EYS: variants seen among roughly 807,000 people sequenced by gnomAD.
EYS encodes EGF-like photoreceptor maintenance factor, also known as protein eyes shut homolog.
EYS carries 250 observed loss-of-function variants against 282.1 expected under a neutral mutation model. The ratio of observed to expected loss-of-function variants is 0.89; its 90% confidence interval spans 0.80 to 0.98. EYS has a LOEUF of 0.98. EYS is among the 50% of genes least tolerant of loss of function. The pLI, the probability that EYS is intolerant of heterozygous loss-of-function variation, is 0.00. For synonymous variants in EYS, 1,355 were observed against 1,282.9 expected, an observed-to-expected ratio of 1.06 and a Z score of -1.20; for missense variants, 4,016 against 3,709.0, an observed-to-expected ratio of 1.08 and a Z score of -2.15.
chr6:65,558,550 G>T (rs1168459542), intron 2 of EYS, among the ~76,000 whole-genome samples: 1 of 152,200 alleles, frequency 6.6e-6, no homozygotes, highest in East Asian at 1.9e-4. Flanking sequence ...GCCCCTGCCA[G>T]CTCCACAGAT....
chr6:65,026,594 T>C (rs1450016550), intron 13 of EYS, among the ~76,000 whole-genome samples: 1 of 152,046 alleles, frequency 6.6e-6, no homozygotes, highest in Admixed American at 6.6e-5. Context: ...CACCTAGCAT[T>C]TTGGAAAATA....
intron 22 of EYS, among the ~76,000 whole-genome samples, chr6:64,634,553 A>AAAAAAAAAAAGAG (rs1767905013): frequency 6.6e-6 from 1 of 151,866 alleles, no homozygotes; most frequent in African/African-American, 2.4e-5. Flanking sequence ...CTTCCAAAAA[A>AAAAAAAAAAAGAG]AAAAAAAAAG....
chr6:64,157,263 T>C lies in EYS; in HGVS notation c.6424+73329A>G, dbSNP rs568827480. Among the ~76,000 whole-genome samples, 28 of 152,272 alleles carry C rather than the reference T, an allele frequency of 1.8e-4. 1 individual carries two copies. In the South Asian group the frequency reaches 5.8e-3, roughly 32 times the overall value. ...GCTGCATAGTATTCCATGGTGTATA[T>C]GTTCCACATTTTCTTAATCCAGTCT... On this transcript the variant is annotated intron_variant, in intron 31 of 42. Coordinates refer to ENST00000503581, the MANE Select transcript of EYS (RefSeq NM_001142800.2).
intron 2 of EYS, among the ~76,000 whole-genome samples, chr6:65,556,258 A>T (rs1207683501): frequency 6.6e-6 from 1 of 152,100 alleles, no homozygotes; most frequent in African/African-American, 2.4e-5. Context: ...ATTGCTTGAG[A>T]CCAGGAGTTT....
chr6:65,125,329 CCAG>C (rs1217277167), intron 12 of EYS, among the ~76,000 whole-genome samples: 1 of 152,102 alleles, frequency 6.6e-6, no homozygotes, highest in African/African-American at 2.4e-5. Flanking sequence ...CTCAATGAAA[CCAG>C]TTGCTAAGCC....
In EYS at chr6:64,550,186, G is replaced by T. The variant is rs190524626; in HGVS notation, c.5644+40037C>A. 4.6e-5 allele frequency among the ~76,000 whole-genome samples: 7 copies of T among 152,188 alleles called. 1 individual carries two copies. In the South Asian group the frequency reaches 8.3e-4, roughly 18 times the overall value. ...AGTCTTTGCTATTGTGAATAGTGGC[G>T]CAATAAACATACATGTGCATGTGTC... is the stretch of plus-strand genomic sequence containing the variant. On this transcript the variant is annotated intron_variant, in intron 26 of 42. Coordinates refer to ENST00000503581, the MANE Select transcript of EYS (RefSeq NM_001142800.2).
intron 12 of EYS, among the ~76,000 whole-genome samples, chr6:65,251,909 C>A (rs1469348469): frequency 6.6e-6 from 1 of 151,860 alleles, no homozygotes; most frequent in Non-Finnish European, 1.5e-5. Context: ...CTCTCTTTTT[C>A]TTTGTACCAG....
rs534596403 is a variant in EYS, at chr6:63,848,442, C to T, written c.7228+15744G>A. ...GGTCTGCAGCTCCCAGCAAGACCAA[C>T]GGAGAAGGCGGGTGATATTTCTGCA... On this transcript the variant is annotated intron_variant, in intron 36 of 42. Coordinates refer to ENST00000503581, the MANE Select transcript of EYS (RefSeq NM_001142800.2). 7.3e-4 allele frequency among the ~76,000 whole-genome samples: 111 copies of T among 152,016 alleles called. 2 individuals carry two copies. The highest frequency in any genetic ancestry group is 3.2e-4 in the Non-Finnish European group (22 of 67,984).
rs141565461 is a variant in EYS, at chr6:65,241,142, TTA to T, written c.2023+54719_2023+54720del. On this transcript the variant is annotated intron_variant, in intron 12 of 42. Coordinates refer to ENST00000503581, the MANE Select transcript of EYS (RefSeq NM_001142800.2). ...TAGACTTACATAAAAATGGAAGATC[TTA>T]TATATAGTTATTTTTCACTGATTCA... 2.5e-3 allele frequency among the ~76,000 whole-genome samples: 386 copies of T among 152,264 alleles called. 2 individuals are homozygous for T. Among genetic ancestry groups the T allele is most frequent in the African/African-American group, 8.6e-3 (358 of 41,586 alleles).
chr6:65,329,409 C>G, intron 11 of EYS: 1 of 915,146 alleles, frequency 1.1e-6, no homozygotes, highest in South Asian at 5.0e-5. Flanking sequence ...GATTTAAGAA[C>G]CAAGATTATT....
At chr6:65,083,548 A>G (rs1181943804) in intron 12 of EYS, among the ~76,000 whole-genome samples, 1 of 151,980 alleles carries the variant, frequency 6.6e-6, no homozygotes, top group East Asian at 1.9e-4. Context: ...TCTGTAGCAG[A>G]TAAAATAAAA....
chr6:64,521,530 T>C (rs1360993435), intron 26 of EYS, among the ~76,000 whole-genome samples: 3 of 151,834 alleles, frequency 2.0e-5, no homozygotes, highest in South Asian at 4.1e-4. Context: ...CCCATAGATA[T>C]GCTTGAAGCT....
At chr6:65,284,880 T>C (rs1357865132) in intron 12 of EYS, among the ~76,000 whole-genome samples, 1 of 152,100 alleles carries the variant, frequency 6.6e-6, no homozygotes. Context: ...CTGATTAATT[T>C]GCATGTTTAC....
intron 31 of EYS, among the ~76,000 whole-genome samples, chr6:64,107,959 C>G (rs77158895): frequency 0.042 from 6,407 of 152,086 alleles, 401 homozygotes; most frequent in African/African-American, 0.14. Context: ...CTGTGTATTT[C>G]CCTTTCCTGA....
At chr6:65,066,631 A>T (rs1773753998) in intron 12 of EYS, among the ~76,000 whole-genome samples, 1 of 152,170 alleles carries the variant, frequency 6.6e-6, no homozygotes, top group Non-Finnish European at 1.5e-5. Flanking sequence ...GTTTTTAGTC[A>T]AAATTACAAC....
chr6:64,441,806 T>G (rs970634894), intron 26 of EYS, among the ~76,000 whole-genome samples: 4 of 152,188 alleles, frequency 2.6e-5, no homozygotes, highest in African/African-American at 9.7e-5. Flanking sequence ...CCTCCTTGCC[T>G]TCCACCATGA....
chr6:64,399,923 T>C (rs755371039), intron 28 of EYS, among the ~76,000 whole-genome samples: 24 of 151,966 alleles, frequency 1.6e-4, no homozygotes, highest in Non-Finnish European at 3.1e-4. Flanking sequence ...CATGTCTCTC[T>C]CAAATAGTAT....
chr6:64,668,253 A>G (rs188928004), intron 22 of EYS, among the ~76,000 whole-genome samples: 30 of 152,336 alleles, frequency 2.0e-4, no homozygotes, highest in Admixed American at 2.0e-3. Context: ...TTAATGATCA[A>G]AATAAAACAA....
At chr6:64,406,397 C>T (rs1773708823) in intron 28 of EYS, among the ~76,000 whole-genome samples, 1 of 152,118 alleles carries the variant, frequency 6.6e-6, no homozygotes, top group African/African-American at 2.4e-5. Flanking sequence ...AGGACATAGG[C>T]ATGGGCAAAG....
Sources: allele counts gnomAD v4.1 joint callset (sites outside exome capture counted in the v4.1 genomes callset), GRCh38; gene constraint gnomAD v4.1.1; transcripts MANE v1.5; gene names NCBI Gene and HGNC (gene_info 2026-07-23, HGNC 2026-07-21).